The following URI1 variants were observed in gnomAD, a reference collection of about 807,000 sequenced individuals.
URI1 encodes the protein URI1 prefoldin like chaperone, also known as unconventional prefoldin RPB5 interactor 1.
A neutral mutation model predicts 60.2 loss-of-function variants in URI1; 39 were observed. The observed-to-expected ratio is 0.65, with a 90% CI of 0.50 to 0.85. The LOEUF (loss-of-function observed/expected upper bound fraction) is 0.85, where lower values mean the gene tolerates loss of function less well. Ranked by LOEUF, URI1 falls within the 40% of genes least tolerant of loss-of-function variation. The probability of loss-of-function intolerance (pLI) is 0.00; values close to 1 mark genes in which losing one functional copy is unlikely to be tolerated. For synonymous variants in URI1, 251 were observed against 236.8 expected, an observed-to-expected ratio of 1.06 and a Z score of -0.55; for missense variants, 691 against 665.9, an observed-to-expected ratio of 1.04 and a Z score of -0.42.
chr19:29,976,190 G>A (rs1401773905), intron 2 of URI1, among the ~76,000 whole-genome samples: 2 of 152,138 alleles, frequency 1.3e-5, no homozygotes, highest in Non-Finnish European at 2.9e-5. Flanking sequence ...TGATATATCT[G>A]TTATTTTACT....
At chr19:29,974,749 C>T (rs1246138226) in intron 2 of URI1, among the ~76,000 whole-genome samples, 2 of 152,168 alleles carry the variant, frequency 1.3e-5, no homozygotes, top group Non-Finnish European at 2.9e-5. Context: ...TTTCTCACCG[C>T]TCTTGTATTC....
chr19:29,926,927 T>G (rs2054873087), intron 1 of URI1, among the ~76,000 whole-genome samples: 1 of 152,126 alleles, frequency 6.6e-6, no homozygotes, highest in Non-Finnish European at 1.5e-5. Context: ...AGCACCTGCT[T>G]GTACTGAGTC....
Position 29,950,009 on chromosome 19 carries a change from C to T in URI1, c.117+7345C>T, listed in dbSNP as rs1333183235. ...GTAAGAATATGTTTGCTTGTATAGC[C>T]GAAGGCACATTCCGTTTTGTAGGTA... On this transcript the variant is annotated intron_variant, in intron 1 of 10. Transcript: ENST00000392271. Among the ~76,000 whole-genome samples, 8 of 152,092 alleles carry T rather than the reference C, an allele frequency of 5.3e-5. No homozygotes were observed. The South Asian group carries it at 6.2e-4, about 12-fold the overall frequency.
Position 29,986,262 on chromosome 19 carries a change from T to A in URI1, c.232-20T>A, listed in dbSNP as rs774238227. The A allele has an allele frequency of 6.5e-7, 1 of 1,537,538 alleles. No homozygotes were observed. The highest frequency in any genetic ancestry group is 1.3e-5 in the South Asian group (1 of 79,440). On this transcript the variant is annotated intron_variant, in intron 3 of 10. Transcript: ENST00000392271. Reference sequence around the variant, plus strand: ...AGTGTTTTATGTTTTTTCCCTTTTTTCTTTTTTTTTAAACAATAGGTACCA... The same window carrying A: ...AGTGTTTTATGTTTTTTCCCTTTTTACTTTTTTTTTAAACAATAGGTACCA...
intron 1 of URI1, among the ~76,000 whole-genome samples, chr19:29,969,738 T>C (rs2055435044): frequency 6.6e-6 from 1 of 152,230 alleles, no homozygotes; most frequent in African/African-American, 2.4e-5. Context: ...AGGAACTTTA[T>C]GAAAAGGATT....
chr19:29,929,432 A>C (rs745897652), intron 1 of URI1, among the ~76,000 whole-genome samples: 2 of 151,970 alleles, frequency 1.3e-5, no homozygotes, highest in Non-Finnish European at 2.9e-5. Flanking sequence ...CCCCATCTCT[A>C]CTAAAAATAC....
At chr19:30,004,126 C>T (rs1011909270) in intron 4 of URI1, among the ~76,000 whole-genome samples, 7 of 151,990 alleles carry the variant, frequency 4.6e-5, no homozygotes, top group Non-Finnish European at 7.4e-5. Context: ...AATTTGCTGC[C>T]GTGAGAAAAG....
chr19:29,968,601 T>C (rs2145317463), intron 1 of URI1, among the ~76,000 whole-genome samples: 1 of 115,458 alleles, frequency 8.7e-6, no homozygotes, highest in Non-Finnish European at 1.7e-5. Context: ...AGATGGAGTC[T>C]CCTTCTGTTG....
At chr19:29,999,249 ATGTG>A (rs1178118681) in intron 4 of URI1, among the ~76,000 whole-genome samples, 1 of 152,054 alleles carries the variant, frequency 6.6e-6, no homozygotes, top group African/African-American at 2.4e-5. Flanking sequence ...ATTTTTGCCT[ATGTG>A]TTTACCTTTA....
In URI1 at chr19:30,015,728, T is replaced by A; in HGVS notation, c.*659T>A. On this transcript the variant is annotated 3_prime_UTR_variant, in exon 11 of 11. Transcript: ENST00000392271. ...TCAAAAATGTTGTGAACTTTATGATTCAAAATTGAGTACAGATATGTCCTT... is the reference window on the plus strand; with the variant it reads ...TCAAAAATGTTGTGAACTTTATGATACAAAATTGAGTACAGATATGTCCTT... 1.3e-6 allele frequency: 1 copy of A among 750,950 alleles called. No individual in the cohort carries two copies. Among genetic ancestry groups the A allele is most frequent in the Non-Finnish European group, 2.1e-6 (1 of 472,458 alleles). The allele number at this position is 750,950 out of a possible 1,614,324, so 46.5% of individuals were successfully genotyped here.
At chr19:30,011,984 A>C (rs1237079989) in intron 9 of URI1, among the ~76,000 whole-genome samples, 2 of 152,102 alleles carry the variant, frequency 1.3e-5, no homozygotes, top group Non-Finnish European at 1.5e-5. Flanking sequence ...CCAACATGGC[A>C]CATGTATACA....
chr19:29,985,994 T>C lies in URI1; in HGVS notation c.232-288T>C, dbSNP rs115554776. ...CTTAGATTTGCAAGTGAATGAAAAG[T>C]ATAAACATGCCGAGACAGTACTACT... On this transcript the variant is annotated intron_variant, in intron 3 of 10. Coordinates refer to ENST00000392271, the MANE Select transcript of URI1 (RefSeq NM_003796.3). 3.4e-3 allele frequency among the ~76,000 whole-genome samples: 513 copies of C among 152,366 alleles called. 5 individuals are homozygous for C. The highest frequency in any genetic ancestry group is 0.012 in the African/African-American group (498 of 41,596).
Position 30,015,020 on chromosome 19 carries a change from G to T in URI1, c.1559G>T (p.Gly520Val), listed in dbSNP as rs778888795. 3 of 1,613,748 alleles carry T rather than the reference G, an allele frequency of 1.9e-6. No individual in the cohort carries two copies. The highest frequency in any genetic ancestry group is 2.5e-6 in the Non-Finnish European group (3 of 1,179,722). ...EVLLEASEET[G>V]KRVSKFKAAR... ...CTGTTGGAAGCATCTGAAGAAACTG[G>T]AAAGAGGGTTTCAAAGTTTAAAGCT... The change falls in exon 11 of 11, where the codon GGA (glycine) becomes GTA (valine). Residue 520 changes from glycine (G) to valine (V), a missense_variant. Gly to Val is a moderately radical substitution (Grantham distance 109, BLOSUM62 -3). Coordinates refer to ENST00000392271, the MANE Select transcript of URI1 (RefSeq NM_003796.3).
At chr19:29,949,770 C>T (rs1012255965) in intron 1 of URI1, among the ~76,000 whole-genome samples, 9 of 151,934 alleles carry the variant, frequency 5.9e-5, no homozygotes, top group African/African-American at 1.9e-4. Flanking sequence ...ACCACTCAGG[C>T]GTGGCGGCGC....
chr19:29,967,138 T>G (rs900775752), intron 1 of URI1, among the ~76,000 whole-genome samples: 4 of 152,234 alleles, frequency 2.6e-5, no homozygotes, highest in Non-Finnish European at 5.9e-5. Flanking sequence ...TATAAAATAA[T>G]TTTTAAAAAG....
At position 29,985,289 on chromosome 19, in the gene URI1, TTATAA is replaced by T. The variant is rs753224364; in HGVS notation, c.226_230del (p.Ile76GlyfsTer17). On this transcript the variant is annotated frameshift_variant, in exon 3 of 11. Transcript: ENST00000392271. LOFTEE classifies it high-confidence loss of function. ...TCAGCACCTTGCCTGATAAATTGTCTTATAATATAATGGTATGTTTGGTGTGTTTC... is the reference window on the plus strand; with the variant it reads ...TCAGCACCTTGCCTGATAAATTGTCTTATAATGGTATGTTTGGTGTGTTTC... 8.1e-6 allele frequency: 13 copies of T among 1,610,616 alleles called. No individual in the cohort carries two copies. The highest frequency in any genetic ancestry group is 1.1e-5 in the Non-Finnish European group (13 of 1,177,512).
chr19:29,951,568 G>A (rs1204213646), intron 1 of URI1, among the ~76,000 whole-genome samples: 1 of 124,432 alleles, frequency 8.0e-6, no homozygotes, highest in Non-Finnish European at 1.7e-5. Flanking sequence ...TTTTTTTTTT[G>A]AGACAGAGTT....
intron 1 of URI1, among the ~76,000 whole-genome samples, chr19:29,936,791 T>A (rs188846959): frequency 6.6e-6 from 1 of 152,276 alleles, no homozygotes; most frequent in Admixed American, 6.5e-5. Flanking sequence ...CTCACTCTAT[T>A]GCCCAGGCTG....
chr19:29,985,081 C>A lies in URI1; in HGVS notation c.153-142C>A, dbSNP rs989938815. On this transcript the variant is annotated intron_variant, in intron 2 of 10. Transcript: ENST00000392271. ...GGTGCAGTGAGCCGAGATCACGCCACTGCACTTTAGCCTGGGCGACGGAGC... is the reference window on the plus strand; with the variant it reads ...GGTGCAGTGAGCCGAGATCACGCCAATGCACTTTAGCCTGGGCGACGGAGC... 8 of 672,010 alleles carry A rather than the reference C, an allele frequency of 1.2e-5. No homozygotes were observed. In the Admixed American group the frequency reaches 2.5e-4, roughly 21 times the overall value. 41.6% of individuals were successfully genotyped at this position (672,010 alleles called of 1,614,324 possible).
Sources: allele counts gnomAD v4.1 joint callset (sites outside exome capture counted in the v4.1 genomes callset), GRCh38; gene constraint gnomAD v4.1.1; transcripts MANE v1.5; gene names NCBI Gene and HGNC (gene_info 2026-07-23, HGNC 2026-07-21).